PRDM16: variants seen among roughly 807,000 people sequenced by gnomAD.
PRDM16 encodes PR/SET domain 16.
In PRDM16, 23 loss-of-function variants were observed where a neutral mutation model predicts 110.6. The observed-to-expected ratio is 0.21, with a 90% CI of 0.15 to 0.29. The LOEUF (loss-of-function observed/expected upper bound fraction) is 0.29. Ranked by LOEUF, PRDM16 falls within the 10% of genes least tolerant of loss-of-function variation. The pLI is 1.00. For missense variants in PRDM16, 1,615 were observed against 1,794.3 expected, an observed-to-expected ratio of 0.90 and a Z score of 1.81; for synonymous variants, 799 against 781.8, an observed-to-expected ratio of 1.02 and a Z score of -0.37.
intron 3 of PRDM16, among the ~76,000 whole-genome samples, chr1:3,296,841 G>A (rs1021934791): frequency 2.6e-5 from 4 of 152,220 alleles, no homozygotes; most frequent in African/African-American, 7.2e-5. Context: ...AACCCACTGC[G>A]AGTTGAAAAT....
At chr1:3,071,151 G>A (rs901699987) in intron 1 of PRDM16, among the ~76,000 whole-genome samples, 5 of 152,274 alleles carry the variant, frequency 3.3e-5, no homozygotes, top group African/African-American at 1.2e-4. Flanking sequence ...GCTGGAACGA[G>A]AAAGGGGAAA....
chr1:3,261,088 T>C (rs903694822), intron 3 of PRDM16, among the ~76,000 whole-genome samples: 13 of 144,998 alleles, frequency 9.0e-5, no homozygotes, highest in African/African-American at 3.1e-4. Flanking sequence ...CATGGAACAG[T>C]GCTCAGGAGA....
chr1:3,141,081 C>T (rs1158572392), intron 1 of PRDM16, among the ~76,000 whole-genome samples: 3 of 152,144 alleles, frequency 2.0e-5, no homozygotes, highest in African/African-American at 7.2e-5. Flanking sequence ...GCTCCCAGAA[C>T]TCTGGGGGAA....
rs1173816589 is a variant in PRDM16 at position 3,385,210 on chromosome 1, G to A, written c.497G>A (p.Gly166Asp). The change falls in exon 4 of 17, where the codon GGC becomes GAC. Residue 166 changes from glycine to aspartate, a missense_variant. Transcript: ENST00000270722. ...GTGGATGCAAATCAGGCGGGGGCTG[G>A]CAGCTGGCTCAAGTACATCCGTGTG... ...FCVDANQAGA[G>D]SWLKYIRVAC... The A allele has an allele frequency of 2.5e-5, 40 of 1,613,766 alleles. No individual in the cohort carries two copies. The highest frequency in any genetic ancestry group is 3.2e-5 in the Non-Finnish European group (38 of 1,180,024).
intron 1 of PRDM16, among the ~76,000 whole-genome samples, chr1:3,116,837 C>T (rs966337010): frequency 6.6e-6 from 1 of 152,198 alleles, no homozygotes; most frequent in African/African-American, 2.4e-5. Context: ...TCCGTGTGCC[C>T]CCACCTGCCT....
intron 3 of PRDM16, among the ~76,000 whole-genome samples, chr1:3,310,486 G>A (rs928100312): frequency 1.3e-5 from 2 of 152,170 alleles, no homozygotes; most frequent in South Asian, 4.2e-4. Flanking sequence ...ACCCACAGGG[G>A]CCCTCGGAGC....
intron 1 of PRDM16, among the ~76,000 whole-genome samples, chr1:3,123,968 G>A (rs1475637359): frequency 1.1e-4 from 17 of 152,208 alleles, no homozygotes. Context: ...TCCCAGATGC[G>A]CACCCCACGC....
At chr1:3,216,967 G>A (rs1639043805) in intron 2 of PRDM16, among the ~76,000 whole-genome samples, 1 of 152,238 alleles carries the variant, frequency 6.6e-6, no homozygotes, top group South Asian at 2.1e-4. Flanking sequence ...TGGGATTGCG[G>A]CAGTTCCTCT....
At chr1:3,280,224 C>G (rs1208508334) in intron 3 of PRDM16, among the ~76,000 whole-genome samples, 1 of 152,174 alleles carries the variant, frequency 6.6e-6, no homozygotes, top group Non-Finnish European at 1.5e-5. Context: ...TTGAAGCCGA[C>G]TCTGTGTGTT....
chr1:3,294,093 G>T (rs1447004005), intron 3 of PRDM16, among the ~76,000 whole-genome samples: 1 of 152,146 alleles, frequency 6.6e-6, no homozygotes, highest in African/African-American at 2.4e-5. Context: ...CTGAGCCTTG[G>T]CAGTCAGAAA....
At position 3,409,771 on chromosome 1, in the gene PRDM16, TTG is replaced by T. The variant is rs975744367; in HGVS notation, c.1187-1606_1187-1605del. Among the ~76,000 whole-genome samples the T allele has an allele frequency of 3.2e-4, 39 of 121,624 alleles. 1 individual carries two copies. The highest frequency in any genetic ancestry group is 9.8e-4 in the Admixed American group (12 of 12,278). The allele number at this position is 121,624 out of a possible 152,430, so 79.8% of individuals were successfully genotyped here. On this transcript the variant is annotated intron_variant, in intron 8 of 16. Transcript: ENST00000270722. Reference sequence around the variant, plus strand: ...GTGGTGTGGGTGTGAGTGTGTGTGGTTGTGTGTGGGTGTGTGGTGTGGGTGTG... The same window carrying T: ...GTGGTGTGGGTGTGAGTGTGTGTGGTTGTGTGGGTGTGTGGTGTGGGTGTG...
At chr1:3,247,397 ATT>A (rs1323853079) in intron 3 of PRDM16, among the ~76,000 whole-genome samples, 2 of 152,194 alleles carry the variant, frequency 1.3e-5, no homozygotes, top group Non-Finnish European at 2.9e-5. Flanking sequence ...TCTACTCAGA[ATT>A]TACAGGCGAG....
chr1:3,426,493 A>G (rs897978823), intron 14 of PRDM16, among the ~76,000 whole-genome samples: 7 of 152,092 alleles, frequency 4.6e-5, no homozygotes, highest in African/African-American at 1.4e-4. Context: ...TGTGTGCAAA[A>G]CACTAGCCAG....
chr1:3,393,281 T>A (rs937125663), intron 4 of PRDM16, among the ~76,000 whole-genome samples: 1 of 152,182 alleles, frequency 6.6e-6, no homozygotes, highest in African/African-American at 2.4e-5. Flanking sequence ...TAAGCAAATA[T>A]ACTGTTCTTC....
rs796732760 is a variant in PRDM16, at chr1:3,367,274, CA to C, written c.439-17865del. ...GGGCAACAAGAGCAAAGCTCTGTCT[CA>C]AAAAAAAAAAAATTGATGGAGCAAG... On this transcript the variant is annotated intron_variant, in intron 3 of 16. Coordinates refer to ENST00000270722, the MANE Select transcript of PRDM16 (RefSeq NM_022114.4). 1.1e-3 allele frequency among the ~76,000 whole-genome samples: 156 copies of C among 142,900 alleles called. 1 individual carries two copies. The highest frequency in any genetic ancestry group is 2.7e-3 in the South Asian group (12 of 4,454). 93.7% of individuals were successfully genotyped at this position (142,900 alleles called of 152,430 possible).
intron 2 of PRDM16, among the ~76,000 whole-genome samples, chr1:3,233,944 A>C (rs1050113112): frequency 2.0e-5 from 3 of 150,890 alleles, no homozygotes; most frequent in African/African-American, 4.9e-5. Flanking sequence ...GACTGTTGAG[A>C]TGGCCTCTTG....
rs1642223336 is a variant in PRDM16 at position 3,339,274 on chromosome 1, A to T, written c.439-45878A>T. Among the ~76,000 whole-genome samples, 1 of 151,728 alleles carries T rather than the reference A, an allele frequency of 6.6e-6. No individual in the cohort carries two copies. Among genetic ancestry groups the T allele is most frequent in the Non-Finnish European group, 1.5e-5 (1 of 67,914 alleles). On this transcript the variant is annotated intron_variant, in intron 3 of 16. Transcript: ENST00000270722. This position sits in a 1 kb window ranked among gnomAD's most constrained non-coding sequence, Gnocchi z 5.0. ...CTCACCCACCCACCACAGTACCATC[A>T]AAGACAGACGTCCTGCTTGTCTCGG...
chr1:3,173,128 A>T lies in PRDM16; in HGVS notation c.38-12997A>T, dbSNP rs1644044758. ...CCCAGATGCTGCTTAGCGCAGGGCC[A>T]GGGAGCCTCGGCTGTGATTCAGGAG... On this transcript the variant is annotated intron_variant, in intron 1 of 16. Coordinates refer to ENST00000270722, the MANE Select transcript of PRDM16 (RefSeq NM_022114.4). Among the ~76,000 whole-genome samples, 4 of 152,208 alleles carry T rather than the reference A, an allele frequency of 2.6e-5. No homozygotes were observed. The South Asian group carries it at 8.3e-4, about 32-fold the overall frequency.
At chr1:3,414,696 GC>G in intron 10 of PRDM16, 49 bp downstream of exon 10, 1 of 1,449,174 alleles carries the variant, frequency 6.9e-7, no homozygotes, top group Non-Finnish European at 9.6e-7. Context: ...CACGCCAGTG[GC>G]CCCATCTCCC....
Sources: gnomAD v4.1 joint callset for allele counts (sites outside exome capture counted in the v4.1 genomes callset) on GRCh38, gnomAD v4.1.1 for gene constraint, Gnocchi (gnomAD v3.1) non-coding constraint, MANE v1.5 for transcripts, NCBI Gene and HGNC (gene_info 2026-07-23, HGNC 2026-07-21) for gene names.